Variants in TWSG1 observed in about 807,000 individuals in gnomAD.
TWSG1 encodes twisted gastrulation BMP signaling modulator 1.
A neutral mutation model predicts 23.0 loss-of-function variants in TWSG1; 15 were observed. The ratio of observed to expected loss-of-function variants is 0.65; its 90% CI spans 0.44 to 1.00. The LOEUF is 1.00. Among genes scored for constraint, TWSG1 ranks in the 50% least tolerant of loss-of-function variants. The probability of loss-of-function intolerance (pLI) is 0.00; values close to 1 mark genes in which losing one functional copy is unlikely to be tolerated. For missense variants in TWSG1, 242 were observed against 278.7 expected (o/e 0.87, Z 0.94); for synonymous variants, 86 against 92.8 (o/e 0.93, Z 0.42).
chr18:9,395,570 A>T (rs1274902367), intron 3 of TWSG1, among the ~76,000 whole-genome samples: 1 of 152,094 alleles, frequency 6.6e-6, no homozygotes, highest in African/African-American at 2.4e-5. Flanking sequence ...ATGGTAATCC[A>T]TGTTTATTGA....
At chr18:9,386,489 A>G (rs1487433386) in intron 3 of TWSG1, among the ~76,000 whole-genome samples, 1 of 149,958 alleles carries the variant, frequency 6.7e-6, no homozygotes, top group Non-Finnish European at 1.5e-5. Context: ...AAATAATAAG[A>G]GAGTCTGAAA....
At chr18:9,364,109 C>T (rs1158734984) in intron 3 of TWSG1, among the ~76,000 whole-genome samples, 1 of 152,156 alleles carries the variant, frequency 6.6e-6, no homozygotes. Context: ...TTCTCCCCCT[C>T]TCTCCCATCC....
intron 3 of TWSG1, 134 bp downstream of exon 3, chr18:9,360,205 C>A: frequency 1.7e-6 from 1 of 592,266 alleles, no homozygotes; most frequent in Non-Finnish European, 2.9e-6. Flanking sequence ...ACATACAGAA[C>A]ATTGTATTTT....
At chr18:9,384,646 C>T (rs2040673710) in intron 3 of TWSG1, among the ~76,000 whole-genome samples, 1 of 149,660 alleles carries the variant, frequency 6.7e-6, no homozygotes, top group African/African-American at 2.5e-5. Context: ...ATGTGCTTTC[C>T]CTTTTTTTTT....
intron 3 of TWSG1, among the ~76,000 whole-genome samples, chr18:9,373,232 A>G (rs2040614345): frequency 6.6e-6 from 1 of 152,224 alleles, no homozygotes. Context: ...TATGCACCTA[A>G]CAACAGCATT....
rs779568034 is a variant in TWSG1, at chr18:9,401,868, C to CT, written c.*2348dup. The CT allele has an allele frequency of 2.3e-3, 350 of 151,990 alleles. 2 individuals carry two copies. Among genetic ancestry groups the CT allele is most frequent in the African/African-American group, 8.1e-3 (337 of 41,512 alleles). The allele number at this position is 151,990 out of a possible 1,614,324, so 9.4% of individuals were successfully genotyped here. ...TTTTTAATAAAAAATTAGGTTATTACTTTTTTTATAACCAGATTTTTAAAG... is the reference window on the plus strand; with the variant it reads ...TTTTTAATAAAAAATTAGGTTATTACTTTTTTTTATAACCAGATTTTTAAAG... On this transcript the variant is annotated 3_prime_UTR_variant, in exon 5 of 5. Coordinates refer to ENST00000262120, the MANE Select transcript of TWSG1 (RefSeq NM_020648.6).
Position 9,400,445 on chromosome 18 carries a change from C to T in TWSG1, c.*918C>T, listed in dbSNP as rs760120626. 3.9e-5 allele frequency: 6 copies of T among 152,118 alleles called. No homozygotes were observed. The highest frequency in any genetic ancestry group is 5.9e-5 in the Non-Finnish European group (4 of 68,026). 9.4% of individuals were successfully genotyped at this position (152,118 alleles called of 1,614,324 possible). A position where few individuals can be genotyped will look rare whatever the true frequency, so the allele number is the denominator to read the frequency against. ...GTGTTGCTGAAAGGGGAGGCTGAGC[C>T]AGTGCGAGACTGAACTTGTGCAGCC... On this transcript the variant is annotated 3_prime_UTR_variant, in exon 5 of 5. Coordinates refer to ENST00000262120, the MANE Select transcript of TWSG1 (RefSeq NM_020648.6).
intron 3 of TWSG1, among the ~76,000 whole-genome samples, chr18:9,395,655 T>G (rs2040731391): frequency 6.6e-6 from 1 of 152,194 alleles, no homozygotes; most frequent in African/African-American, 2.4e-5. Context: ...CTGCCTTATC[T>G]CCTGGGCTCA....
rs1312926252 is a variant in TWSG1 at position 9,401,589 on chromosome 18, T to C, written c.*2062T>C. 6.6e-6 allele frequency: 1 copy of C among 152,208 alleles called. No individual in the cohort carries two copies. Among genetic ancestry groups the C allele is most frequent in the Non-Finnish European group, 1.5e-5 (1 of 68,038 alleles). 9.4% of individuals were successfully genotyped at this position (152,208 alleles called of 1,614,324 possible). On this transcript the variant is annotated 3_prime_UTR_variant, in exon 5 of 5. Coordinates refer to ENST00000262120, the MANE Select transcript of TWSG1 (RefSeq NM_020648.6). ...TCTTGATTTCTTTCATTAGAAACTA[T>C]CCCTAAATGTAAAGATCTTTTGCCT...
Position 9,396,390 on chromosome 18 carries a change from A to G in TWSG1, c.334A>G (p.Thr112Ala), listed in dbSNP as rs763516079. The change falls in exon 4 of 5, where the codon ACT becomes GCT. Residue 112 changes from threonine to alanine, a missense_variant. Thr to Ala is a moderately conservative substitution (Grantham distance 58). Coordinates refer to ENST00000262120, the MANE Select transcript of TWSG1 (RefSeq NM_020648.6). ...SLFRALTEGD[T>A]QLNWNIVSFP... Reference sequence around the variant, plus strand: ...CTTCCGGGCACTCACAGAAGGAGATACTCAGTTGAATTGGAACATCGTTTC... The same window carrying G: ...CTTCCGGGCACTCACAGAAGGAGATGCTCAGTTGAATTGGAACATCGTTTC... The G allele has an allele frequency of 3.7e-6, 6 of 1,614,144 alleles. No individual in the cohort carries two copies. Among genetic ancestry groups the G allele is most frequent in the Non-Finnish European group, 5.1e-6 (6 of 1,180,024 alleles).
intron 3 of TWSG1, among the ~76,000 whole-genome samples, chr18:9,376,022 C>A (rs905924841): frequency 6.6e-6 from 1 of 152,036 alleles, no homozygotes; most frequent in Non-Finnish European, 1.5e-5. Flanking sequence ...TCAAGCAATT[C>A]TGCTGCCACA....
At chr18:9,381,877 A>G (rs919497852) in intron 3 of TWSG1, among the ~76,000 whole-genome samples, 9 of 152,126 alleles carry the variant, frequency 5.9e-5, no homozygotes, top group African/African-American at 2.2e-4. Flanking sequence ...TGTTACTAGC[A>G]TCCATACGGA....
chr18:9,397,220 G>T (rs2040741597), intron 4 of TWSG1, among the ~76,000 whole-genome samples: 1 of 152,208 alleles, frequency 6.6e-6, no homozygotes, highest in African/African-American at 2.4e-5. Flanking sequence ...CAACAATGCT[G>T]CTTCTCTAAT....
chr18:9,354,373 T>G (rs527295643), intron 2 of TWSG1, among the ~76,000 whole-genome samples: 2 of 152,204 alleles, frequency 1.3e-5, no homozygotes, highest in African/African-American at 4.8e-5. Flanking sequence ...AGTCAGTCTT[T>G]ATTTTGGACT....
At chr18:9,382,337 A>G (rs541193174) in intron 3 of TWSG1, among the ~76,000 whole-genome samples, 34 of 152,178 alleles carry the variant, frequency 2.2e-4, no homozygotes, top group Non-Finnish European at 2.2e-4. Flanking sequence ...AGCTTGGCCA[A>G]CATGGTGAAA....
At chr18:9,357,852 G>C (rs2040534311) in intron 2 of TWSG1, among the ~76,000 whole-genome samples, 1 of 152,000 alleles carries the variant, frequency 6.6e-6, no homozygotes. Context: ...GGGGGGGATG[G>C]GGATGATGAT....
chr18:9,394,768 A>G (rs967275868), intron 3 of TWSG1, among the ~76,000 whole-genome samples: 8 of 152,172 alleles, frequency 5.3e-5, no homozygotes, highest in African/African-American at 1.9e-4. Flanking sequence ...ACACACATGC[A>G]TGCATGCACA....
At chr18:9,356,794 C>A (rs2040528897) in intron 2 of TWSG1, among the ~76,000 whole-genome samples, 1 of 151,906 alleles carries the variant, frequency 6.6e-6, no homozygotes. Context: ...GCAAATATTA[C>A]AAAATCCAAA....
At chr18:9,350,566 A>G (rs2040497937) in intron 2 of TWSG1, among the ~76,000 whole-genome samples, 1 of 152,242 alleles carries the variant, frequency 6.6e-6, no homozygotes, top group African/African-American at 2.4e-5. Context: ...GGACTTGTAC[A>G]GTAAGTAGGA....
Sources: allele counts gnomAD v4.1 joint callset (sites outside exome capture counted in the v4.1 genomes callset), GRCh38; gene constraint gnomAD v4.1.1; transcripts MANE v1.5; gene names NCBI Gene and HGNC (gene_info 2026-07-23, HGNC 2026-07-21).